Variants in BCHE observed in about 807,000 individuals in gnomAD.
The protein encoded by BCHE is butyrylcholinesterase.
A neutral mutation model predicts 51.3 loss-of-function variants in BCHE; 48 were observed. That is an observed-to-expected ratio of 0.94 (90% CI 0.74 to 1.19). The LOEUF (loss-of-function observed/expected upper bound fraction) is 1.19, where lower values mean the gene tolerates loss of function less well. Ranked by LOEUF, BCHE falls within the 50% of genes most tolerant of loss-of-function variation. The pLI, the probability that BCHE is intolerant of heterozygous loss-of-function variation, is 0.00. For synonymous variants in BCHE, 251 were observed against 238.0 expected, an observed-to-expected ratio of 1.05 and a Z score of -0.50; for missense variants, 847 against 708.2, an observed-to-expected ratio of 1.20 and a Z score of -2.23.
At chr3:165,807,761 A>C (rs1170971550) in intron 2 of BCHE, among the ~76,000 whole-genome samples, 1 of 151,516 alleles carries the variant, frequency 6.6e-6, no homozygotes, top group African/African-American at 2.4e-5. Flanking sequence ...ACAGGGTCTC[A>C]CTATGTTGGC....
At chr3:165,824,449 T>A (rs115682021) in intron 2 of BCHE, among the ~76,000 whole-genome samples, 1 of 152,000 alleles carries the variant, frequency 6.6e-6, no homozygotes, top group African/African-American at 2.4e-5. Flanking sequence ...ATAGTTAATA[T>A]AGACAATACC....
rs552359376 is a variant in BCHE, at chr3:165,814,481, C to G, written c.1517+15036G>C. Among the ~76,000 whole-genome samples, 10 of 152,146 alleles carry G rather than the reference C, an allele frequency of 6.6e-5. 1 individual carries two copies. In the South Asian group the frequency reaches 1.2e-3, roughly 19 times the overall value. On this transcript the variant is annotated intron_variant, in intron 2 of 3. Coordinates refer to ENST00000264381, the MANE Select transcript of BCHE (RefSeq NM_000055.4). ...TAGTTTTTGCTCTTATGATGTTAAT[C>G]CTTACTTTCCTCAGCTCACTAATAC...
chr3:165,780,924 G>A (rs1480379260), intron 3 of BCHE, among the ~76,000 whole-genome samples: 1 of 152,084 alleles, frequency 6.6e-6, no homozygotes, highest in Non-Finnish European at 1.5e-5. Flanking sequence ...TATACCCAAA[G>A]GAATATAAAT....
chr3:165,830,531 A>G lies in BCHE; in HGVS notation c.503T>C (p.Ile168Thr), dbSNP rs932433269. The change falls in exon 2 of 4, where the codon ATT (isoleucine) becomes ACT (threonine). Residue 168 changes from isoleucine (I) to threonine (T), a missense_variant. By Grantham distance (89) the Ile-to-Thr change is moderately conservative. Coordinates refer to ENST00000264381, the MANE Select transcript of BCHE (RefSeq NM_000055.4). The part of the protein sequence containing the change: ...GKFLARVERV[I>T]VVSMNYRVGA... The stretch of plus-strand genomic sequence containing the variant: ...CACCCTATAGTTCATTGACACTACA[A>G]TAACTCTTTCAACCCGAGCCAGAAA... 5 of 1,613,998 alleles carry G rather than the reference A, an allele frequency of 3.1e-6. No individual in the cohort carries two copies. Among genetic ancestry groups the G allele is most frequent in the African/African-American group, 1.3e-5 (1 of 75,046 alleles).
chr3:165,810,549 G>A (rs1408712113), intron 2 of BCHE, among the ~76,000 whole-genome samples: 6 of 152,096 alleles, frequency 3.9e-5, no homozygotes, highest in African/African-American at 7.2e-5. Flanking sequence ...GGCTAGGCTA[G>A]GATATTGTGC....
intron 2 of BCHE, among the ~76,000 whole-genome samples, chr3:165,802,440 C>CTA (rs549430974): frequency 1.9e-3 from 286 of 152,190 alleles, no homozygotes; most frequent in African/African-American, 6.7e-3. Flanking sequence ...GGAGAATAAA[C>CTA]TGGAGAGAAA....
At chr3:165,786,599 T>C (rs1338456989) in intron 2 of BCHE, among the ~76,000 whole-genome samples, 1 of 151,804 alleles carries the variant, frequency 6.6e-6, no homozygotes. Context: ...AAAATATATC[T>C]TCATTCACAC....
intron 2 of BCHE, chr3:165,827,940 C>A: frequency 2.4e-6 from 1 of 420,316 alleles, no homozygotes; most frequent in South Asian, 1.7e-5. Context: ...CTTTTACCAG[C>A]TCTCATTCAA....
rs1057516482 is a variant in BCHE, at chr3:165,786,301, C to A, written c.1528G>T (p.Glu510Ter). ...CAGCTTGTGCTATTGTTCTGAGTCT[C>A]ATTTGGATTCCTAAATAATAAAATA... ...ANFAKYGNPN[E>*]TQNNSTSWPV... is the part of the protein sequence containing the mutation. The change falls in exon 3 of 4, where the codon GAG becomes TAG. Residue 510 changes from glutamate to a stop codon, truncating the protein, a stop_gained. Coordinates refer to ENST00000264381, the MANE Select transcript of BCHE (RefSeq NM_000055.4). LOFTEE classifies it high-confidence loss of function. 6.2e-7 allele frequency: 1 copy of A among 1,610,254 alleles called. No homozygotes were observed. Among genetic ancestry groups the A allele is most frequent in the Non-Finnish European group, 8.5e-7 (1 of 1,177,578 alleles).
rs755600722 is a variant in BCHE at position 165,830,653 on chromosome 3, A to T, written c.381T>A (p.Ile127=). The T allele has an allele frequency of 6.2e-7, 1 of 1,613,946 alleles. No individual in the cohort carries two copies. The change falls in exon 2 of 4, where the codon ATT becomes ATA. Residue 127 remains isoleucine, a synonymous_variant. Coordinates refer to ENST00000264381, the MANE Select transcript of BCHE (RefSeq NM_000055.4). Reference sequence around the variant, plus strand: ...TGGCATTTTTTGGTTTAGGTGCTGGAATCCATACATTTAGATATAAACAGT... The same window carrying T: ...TGGCATTTTTTGGTTTAGGTGCTGGTATCCATACATTTAGATATAAACAGT... The part of the protein sequence containing the change: ...SEDCLYLNVW[I]PAPKPKNATV...
At chr3:165,793,245 TA>T (rs1713241541) in intron 2 of BCHE, among the ~76,000 whole-genome samples, 1 of 152,216 alleles carries the variant, frequency 6.6e-6, no homozygotes, top group African/African-American at 2.4e-5. Context: ...TATAATATTA[TA>T]AAATACACAT....
chr3:165,789,493 T>C (rs1030548468), intron 2 of BCHE, among the ~76,000 whole-genome samples: 6 of 152,128 alleles, frequency 3.9e-5, no homozygotes, highest in African/African-American at 1.2e-4. Flanking sequence ...AATTATAGAA[T>C]CCTAGTGCTG....
rs2108191238 is a variant in BCHE, at chr3:165,773,288, CATA to C, written c.*91_*93del. The C allele has an allele frequency of 8.1e-7, 1 of 1,231,118 alleles. No homozygotes were observed. The highest frequency in any genetic ancestry group is 2.5e-5 in the East Asian group (1 of 40,406). The allele number at this position is 1,231,118 out of a possible 1,614,324, so 76.3% of individuals were successfully genotyped here. On this transcript the variant is annotated 3_prime_UTR_variant, in exon 4 of 4. Coordinates refer to ENST00000264381, the MANE Select transcript of BCHE (RefSeq NM_000055.4). The stretch of plus-strand genomic sequence containing the variant: ...CCTTCTGGCATTTTTGTTTCAGCTA[CATA>C]ATAACTTTTTTAGTAGGTGTGTAAA...
At chr3:165,831,408 G>T (rs1007216729) in intron 1 of BCHE, among the ~76,000 whole-genome samples, 6 of 152,186 alleles carry the variant, frequency 3.9e-5, no homozygotes, top group Non-Finnish European at 8.8e-5. Context: ...ACCTACATCA[G>T]ATATAATTTC....
At chr3:165,809,156 G>A (rs992391383) in intron 2 of BCHE, among the ~76,000 whole-genome samples, 36 of 151,956 alleles carry the variant, frequency 2.4e-4, no homozygotes, top group African/African-American at 7.5e-4. Flanking sequence ...TTGGTATTTA[G>A]CTTATGGAAG....
At position 165,794,033 on chromosome 3, in the gene BCHE, C is replaced by T. The variant is rs149626898; in HGVS notation, c.1518-7722G>A. On this transcript the variant is annotated intron_variant, in intron 2 of 3. Coordinates refer to ENST00000264381, the MANE Select transcript of BCHE (RefSeq NM_000055.4). Reference sequence around the variant, plus strand: ...CTGCACTCCAGCCTGGGCGATGGAGCGACACTCCATCTCAAATAAAAAAAA... The same window carrying T: ...CTGCACTCCAGCCTGGGCGATGGAGTGACACTCCATCTCAAATAAAAAAAA... Among the ~76,000 whole-genome samples, 448 of 150,490 alleles carry T rather than the reference C, an allele frequency of 3.0e-3. 5 individuals carry two copies. The highest frequency in any genetic ancestry group is 0.01 in the African/African-American group (424 of 40,882).
In BCHE at chr3:165,837,302, A is replaced by T; in HGVS notation, c.-9+12T>A. ...GATCTCTACACGAAGGTGTAAATTC[A>T]GAGCAACTTACCCGATTCTCTGCAA... is the stretch of plus-strand genomic sequence containing the variant. On this transcript the variant is annotated intron_variant, in intron 1 of 3. Coordinates refer to ENST00000264381, the MANE Select transcript of BCHE (RefSeq NM_000055.4). 1 of 1,281,970 alleles carries T rather than the reference A, an allele frequency of 7.8e-7. No individual in the cohort carries two copies. The highest frequency in any genetic ancestry group is 1.0e-6 in the Non-Finnish European group (1 of 981,738). 79.4% of individuals were successfully genotyped at this position (1,281,970 alleles called of 1,614,324 possible).
At chr3:165,835,046 G>A (rs1226419965) in intron 1 of BCHE, among the ~76,000 whole-genome samples, 1 of 151,814 alleles carries the variant, frequency 6.6e-6, no homozygotes, top group Non-Finnish European at 1.5e-5. Flanking sequence ...TTGGAATTCA[G>A]ACCATTCTAG....
intron 3 of BCHE, among the ~76,000 whole-genome samples, chr3:165,774,016 C>G (rs1330574715): frequency 6.6e-6 from 1 of 152,004 alleles, no homozygotes; most frequent in East Asian, 1.9e-4. Flanking sequence ...ATACTCAAGT[C>G]CCTAATGTAA....
Sources: allele counts gnomAD v4.1 joint callset (sites outside exome capture counted in the v4.1 genomes callset), GRCh38; gene constraint gnomAD v4.1.1; transcripts MANE v1.5; gene names NCBI Gene and HGNC (gene_info 2026-07-23, HGNC 2026-07-21).